The following RAB3C variants were observed in gnomAD, a reference collection of about 807,000 sequenced individuals.
RAB3C encodes the protein RAB3C, member RAS oncogene family, also known as ras-related protein Rab-3C.
A neutral mutation model predicts 26.4 loss-of-function variants in RAB3C; 17 were observed. That is an observed-to-expected ratio of 0.64 (90% CI 0.44 to 0.97). The LOEUF is 0.97. Ranked by LOEUF, RAB3C falls within the 50% of genes least tolerant of loss-of-function variation. The pLI, the probability that RAB3C is intolerant of heterozygous loss-of-function variation, is 0.00. For synonymous variants in RAB3C, 91 were observed against 95.9 expected, an observed-to-expected ratio of 0.95 and a Z score of 0.30; for missense variants, 242 against 281.9, an observed-to-expected ratio of 0.86 and a Z score of 1.01.
chr5:58,831,318 A>T (rs973225856), intron 4 of RAB3C, among the ~76,000 whole-genome samples: 7 of 152,252 alleles, frequency 4.6e-5, no homozygotes, highest in African/African-American at 1.7e-4. Flanking sequence ...CCAATGGAAG[A>T]TGCTAGAAAA....
At chr5:58,696,862 CA>C (rs1197966294) in intron 2 of RAB3C, among the ~76,000 whole-genome samples, 1 of 152,016 alleles carries the variant, frequency 6.6e-6, no homozygotes, top group Non-Finnish European at 1.5e-5. Context: ...TTGATCTTTT[CA>C]AAAAACCAGC....
At chr5:58,755,897 A>G (rs1741645185) in intron 3 of RAB3C, among the ~76,000 whole-genome samples, 1 of 152,262 alleles carries the variant, frequency 6.6e-6, no homozygotes, top group Non-Finnish European at 1.5e-5. Flanking sequence ...ATGCAAATTA[A>G]CATCACATTC....
chr5:58,661,370 A>G lies in RAB3C; in HGVS notation c.252+43500A>G, dbSNP rs940999891. 3.3e-5 allele frequency among the ~76,000 whole-genome samples: 5 copies of G among 150,202 alleles called. 1 individual carries two copies. The highest frequency in any genetic ancestry group is 3.4e-3 in the Middle Eastern group (1 of 294). On this transcript the variant is annotated intron_variant, in intron 2 of 4. Coordinates refer to ENST00000282878, the MANE Select transcript of RAB3C (RefSeq NM_138453.4). ...TAATATACATTTCCATGTTTATAAT[A>G]TGCCATTCATAGCAGACAGTCTGTA...
chr5:58,593,088 G>A (rs767089105), intron 1 of RAB3C, among the ~76,000 whole-genome samples: 4 of 151,830 alleles, frequency 2.6e-5, no homozygotes, highest in East Asian at 1.9e-4. Flanking sequence ...ACTGAGGCTC[G>A]GTTCATTAAA....
At chr5:58,749,302 A>T (rs989432557) in intron 3 of RAB3C, among the ~76,000 whole-genome samples, 7 of 152,326 alleles carry the variant, frequency 4.6e-5, no homozygotes, top group Admixed American at 3.9e-4. Flanking sequence ...TTTTAAAAAA[A>T]TTTCAATGTG....
At chr5:58,659,004 A>G (rs999878853) in intron 2 of RAB3C, among the ~76,000 whole-genome samples, 25 of 152,298 alleles carry the variant, frequency 1.6e-4, no homozygotes, top group African/African-American at 5.5e-4. Flanking sequence ...TGTCACTTCT[A>G]TGACAGGAGA....
chr5:58,719,266 G>C (rs1740684322), intron 2 of RAB3C, among the ~76,000 whole-genome samples: 1 of 152,002 alleles, frequency 6.6e-6, no homozygotes, highest in East Asian at 1.9e-4. Context: ...AAAGTAACAA[G>C]ATATATCAAA....
At chr5:58,793,312 A>T (rs1271161049) in intron 3 of RAB3C, among the ~76,000 whole-genome samples, 2 of 152,200 alleles carry the variant, frequency 1.3e-5, no homozygotes, top group East Asian at 3.9e-4. Flanking sequence ...TAATCCCAGC[A>T]CTTTGGGGGG....
At chr5:58,628,156 CAAAAAA>C (rs58277302) in intron 2 of RAB3C, among the ~76,000 whole-genome samples, 1 of 71,468 alleles carries the variant, frequency 1.4e-5, no homozygotes, top group Non-Finnish European at 2.5e-5. Flanking sequence ...GACTCCGTCT[CAAAAAA>C]AAAAAAAAAA....
chr5:58,653,187 AT>A (rs918166828), intron 2 of RAB3C, among the ~76,000 whole-genome samples: 4 of 151,204 alleles, frequency 2.6e-5, no homozygotes, highest in Admixed American at 1.3e-4. Context: ...ACATGTTCTC[AT>A]TGTTCAACTC....
chr5:58,842,146 C>A (rs977609558), intron 4 of RAB3C, among the ~76,000 whole-genome samples: 1 of 152,090 alleles, frequency 6.6e-6, no homozygotes, highest in African/African-American at 2.4e-5. Context: ...AAATCAACTC[C>A]ATTTTCTTTT....
intron 3 of RAB3C, among the ~76,000 whole-genome samples, chr5:58,817,283 G>A (rs896634177): frequency 2.1e-4 from 32 of 152,052 alleles, no homozygotes; most frequent in African/African-American, 7.7e-4. Flanking sequence ...TAAGAATGTA[G>A]CAATTGTACC....
intron 1 of RAB3C, among the ~76,000 whole-genome samples, chr5:58,596,856 T>C (rs868049919): frequency 0.072 from 6,142 of 84,748 alleles, 373 homozygotes; most frequent in South Asian, 0.15. Flanking sequence ...TAATACATAA[T>C]ATATAATATT....
intron 3 of RAB3C, among the ~76,000 whole-genome samples, chr5:58,752,722 A>C (rs1741559245): frequency 6.6e-6 from 1 of 152,196 alleles, no homozygotes; most frequent in Non-Finnish European, 1.5e-5. Flanking sequence ...TAGAGATCTG[A>C]ATTTCCTTTA....
intron 2 of RAB3C, among the ~76,000 whole-genome samples, chr5:58,628,018 G>A (rs1294335354): frequency 8.6e-5 from 13 of 151,854 alleles, no homozygotes; most frequent in Non-Finnish European, 1.8e-4. Context: ...TTAGCTGGGC[G>A]TGGTGGCAGG....
intron 4 of RAB3C, among the ~76,000 whole-genome samples, chr5:58,831,935 G>C (rs1449975475): frequency 1.3e-5 from 2 of 152,160 alleles, no homozygotes; most frequent in African/African-American, 4.8e-5. Flanking sequence ...AACTAAATTG[G>C]AATCTCTGGG....
intron 3 of RAB3C, among the ~76,000 whole-genome samples, chr5:58,798,788 T>C (rs1165032729): frequency 2.0e-5 from 3 of 152,198 alleles, no homozygotes; most frequent in Non-Finnish European, 2.9e-5. Flanking sequence ...CCCAGCAGTT[T>C]AGATAAGGTA....
At chr5:58,621,942 T>C (rs1366042646) in intron 2 of RAB3C, among the ~76,000 whole-genome samples, 4 of 152,304 alleles carry the variant, frequency 2.6e-5, no homozygotes, top group South Asian at 2.1e-4. Flanking sequence ...CATTTTCTAC[T>C]TGATGGTTTG....
intron 3 of RAB3C, among the ~76,000 whole-genome samples, chr5:58,736,054 A>G (rs1450459943): frequency 1.3e-5 from 2 of 152,122 alleles, no homozygotes; most frequent in Admixed American, 1.3e-4. Flanking sequence ...TTGAAGTTTC[A>G]TATTTCTATA....
Sources: allele counts gnomAD v4.1 joint callset (sites outside exome capture counted in the v4.1 genomes callset), GRCh38; gene constraint gnomAD v4.1.1; transcripts MANE v1.5; gene names NCBI Gene and HGNC (gene_info 2026-07-23, HGNC 2026-07-21).